The following RANBP17 variants were observed in gnomAD, a reference collection of about 807,000 sequenced individuals.
RANBP17 encodes ran-binding protein 17.
Under a neutral mutation model 141.2 loss-of-function variants are expected in RANBP17, and 158 were observed. The observed-to-expected ratio is 1.12, with a 90% CI of 0.98 to 1.28. RANBP17 has a LOEUF of 1.28. Among genes scored for constraint, RANBP17 ranks in the 50% most tolerant of loss-of-function variants. RANBP17 has a pLI of 0.00. For missense variants in RANBP17, 1,438 were observed against 1,290.7 expected, an observed-to-expected ratio of 1.11 and a Z score of -1.75; for synonymous variants, 430 against 450.0, an observed-to-expected ratio of 0.96 and a Z score of 0.56.
chr5:170,899,725 T>A (rs1581094383), intron 5 of RANBP17, among the ~76,000 whole-genome samples: 1 of 152,220 alleles, frequency 6.6e-6, no homozygotes, highest in East Asian at 1.9e-4. Context: ...GTGTTTAGCC[T>A]GAAGGGTTGA....
intron 14 of RANBP17, among the ~76,000 whole-genome samples, chr5:171,089,628 C>A (rs1786050557): frequency 6.6e-6 from 1 of 152,144 alleles, no homozygotes; most frequent in African/African-American, 2.4e-5. Context: ...GGGCGTAGGA[C>A]CCTCCGAGCC....
intron 14 of RANBP17, among the ~76,000 whole-genome samples, chr5:170,980,818 C>T (rs1342537654): frequency 2.0e-5 from 3 of 152,168 alleles, no homozygotes; most frequent in Admixed American, 6.5e-5. Flanking sequence ...ACTGGGGCAT[C>T]GTCTAGTGGA....
intron 14 of RANBP17, among the ~76,000 whole-genome samples, chr5:171,013,271 T>C (rs1339121757): frequency 1.3e-5 from 2 of 152,170 alleles, no homozygotes; most frequent in Non-Finnish European, 2.9e-5. Flanking sequence ...TCGTGGAGCA[T>C]CAGACTGAAG....
At chr5:171,130,688 C>T (rs1388748868) in intron 14 of RANBP17, among the ~76,000 whole-genome samples, 2 of 151,594 alleles carry the variant, frequency 1.3e-5, no homozygotes, top group African/African-American at 4.8e-5. Flanking sequence ...GGCCCCACAC[C>T]CAACCAAAAA....
At chr5:171,161,432 C>A in intron 14 of RANBP17, 1 of 200,316 alleles carries the variant, frequency 5.0e-6, no homozygotes, top group East Asian at 7.6e-5. Flanking sequence ...AGTGATGTAC[C>A]CAGAGTTCCA....
At chr5:171,159,550 C>T (rs1759169006) in intron 14 of RANBP17, among the ~76,000 whole-genome samples, 1 of 152,026 alleles carries the variant, frequency 6.6e-6, no homozygotes, top group Non-Finnish European at 1.5e-5. Flanking sequence ...CCTTGGGAGC[C>T]CATCACCTAA....
intron 1 of RANBP17, among the ~76,000 whole-genome samples, chr5:170,870,384 A>G (rs13170245): frequency 0.6 from 90,380 of 150,500 alleles, 28,851 homozygotes; most frequent in South Asian, 0.88. Context: ...CACCCCCACA[A>G]CAGGCCCCCT....
At chr5:171,205,407 C>A in intron 19 of RANBP17, 117 bp from the exon 20 acceptor site, 1 of 780,620 alleles carries the variant, frequency 1.3e-6, no homozygotes, top group Non-Finnish European at 2.1e-6. Flanking sequence ...GAGGTCTGAA[C>A]GAGACATTTT....
chr5:171,017,778 T>C (rs1393986302), intron 14 of RANBP17, among the ~76,000 whole-genome samples: 1 of 152,194 alleles, frequency 6.6e-6, no homozygotes, highest in Admixed American at 6.5e-5. Flanking sequence ...TTTGTCAATT[T>C]TGGTTTTTGT....
intron 14 of RANBP17, among the ~76,000 whole-genome samples, chr5:171,025,032 A>G (rs925657570): frequency 1.3e-5 from 2 of 152,162 alleles, no homozygotes; most frequent in Non-Finnish European, 2.9e-5. Flanking sequence ...AATGGCATCT[A>G]TTGCTTATGT....
At chr5:171,057,345 T>C (rs1783460819) in intron 14 of RANBP17, among the ~76,000 whole-genome samples, 1 of 152,136 alleles carries the variant, frequency 6.6e-6, no homozygotes, top group Non-Finnish European at 1.5e-5. Flanking sequence ...ATTTTAAATG[T>C]TTTCATTTTG....
intron 25 of RANBP17, among the ~76,000 whole-genome samples, chr5:171,272,054 G>C (rs1767149260): frequency 6.6e-6 from 1 of 152,142 alleles, no homozygotes; most frequent in Non-Finnish European, 1.5e-5. Context: ...AACATGGATG[G>C]AGCTGGAGGC....
chr5:171,215,900 T>C (rs1273375211), intron 21 of RANBP17, among the ~76,000 whole-genome samples: 2 of 152,174 alleles, frequency 1.3e-5, no homozygotes, highest in African/African-American at 4.8e-5. Flanking sequence ...GCAGAAGCTC[T>C]TTAGTTTGAT....
intron 22 of RANBP17, among the ~76,000 whole-genome samples, chr5:171,238,099 G>A (rs765678707): frequency 2.0e-5 from 3 of 152,146 alleles, no homozygotes; most frequent in African/African-American, 4.8e-5. Flanking sequence ...AAATGAGGTA[G>A]TTTCCTATTT....
intron 12 of RANBP17, among the ~76,000 whole-genome samples, chr5:170,942,658 G>A (rs995214530): frequency 3.9e-5 from 6 of 152,150 alleles, no homozygotes; most frequent in Admixed American, 2.0e-4. Flanking sequence ...GGACAAGCTC[G>A]GGAATGGTAT....
intron 14 of RANBP17, among the ~76,000 whole-genome samples, chr5:171,020,142 T>C (rs531344768): frequency 2.0e-5 from 3 of 151,996 alleles, no homozygotes; most frequent in East Asian, 1.9e-4. Context: ...GAGACTGTTA[T>C]GATTTCCGTT....
intron 14 of RANBP17, among the ~76,000 whole-genome samples, chr5:171,070,338 C>T (rs1784561936): frequency 6.6e-6 from 1 of 152,118 alleles, no homozygotes; most frequent in South Asian, 2.1e-4. Flanking sequence ...AGTAGCCCTT[C>T]CTCAAAGAAA....
chr5:171,248,575 C>T (rs1765370390), intron 24 of RANBP17, among the ~76,000 whole-genome samples: 1 of 152,192 alleles, frequency 6.6e-6, no homozygotes, highest in Non-Finnish European at 1.5e-5. Context: ...CCCTTATGAA[C>T]TCAACATTAA....
At chr5:171,026,807 T>G (rs1179966002) in intron 14 of RANBP17, among the ~76,000 whole-genome samples, 1 of 152,200 alleles carries the variant, frequency 6.6e-6, no homozygotes, top group Non-Finnish European at 1.5e-5. Flanking sequence ...ACTGGAATGC[T>G]TCATATTTTC....
Sources: gnomAD v4.1 joint callset for allele counts (sites outside exome capture counted in the v4.1 genomes callset) on GRCh38, gnomAD v4.1.1 for gene constraint, MANE v1.5 for transcripts, NCBI Gene and HGNC (gene_info 2026-07-23, HGNC 2026-07-21) for gene names.